RCOR1: variants seen among roughly 807,000 people sequenced by gnomAD.
RCOR1 encodes REST corepressor 1.
A neutral mutation model predicts 64.0 loss-of-function variants in RCOR1; 12 were observed. That is an observed-to-expected ratio of 0.19 (90% confidence interval 0.12 to 0.30). The LOEUF (loss-of-function observed/expected upper bound fraction) is 0.30. RCOR1 is among the 10% of genes least tolerant of loss of function. The pLI is 1.00. For missense variants in RCOR1, 502 were observed against 621.2 expected (o/e 0.81, Z 2.04); for synonymous variants, 279 against 227.2 (o/e 1.23, Z -2.05).
rs1893166195 is a variant in RCOR1 at position 102,593,081 on chromosome 14, C to T, written c.195C>T (p.Pro65=). 4.2e-6 allele frequency: 6 copies of T among 1,444,744 alleles called. No homozygotes were observed. The highest frequency in any genetic ancestry group is 4.6e-6 in the Non-Finnish European group (5 of 1,095,658). 89.5% of individuals were successfully genotyped at this position (1,444,744 alleles called of 1,614,324 possible). ...SAAAASAAAA[P]NNGQNKSLAA... ...CCGCCGCCTCAGCCGCCGCCGCCCC[C>T]AATAATGGCCAGAATAAAAGTTTGG... The change falls in exon 1 of 12, where the codon CCC becomes CCT. Residue 65 remains proline, a synonymous_variant. Coordinates refer to ENST00000262241, the MANE Select transcript of RCOR1 (RefSeq NM_015156.4).
intron 2 of RCOR1, among the ~76,000 whole-genome samples, chr14:102,651,438 A>G (rs1440747725): frequency 2.0e-5 from 3 of 152,050 alleles, no homozygotes; most frequent in African/African-American, 7.2e-5. Context: ...CTGTAATCCC[A>G]GCTGCTCAGG....
rs758594132 is a variant in RCOR1, at chr14:102,599,803, G to GT, written c.361+6482dup. Among the ~76,000 whole-genome samples the GT allele has an allele frequency of 4.8e-3, 448 of 93,806 alleles. 6 individuals carry two copies. The highest frequency in any genetic ancestry group is 0.012 in the African/African-American group (354 of 28,778). The allele number at this position is 93,806 out of a possible 152,430, so 61.5% of individuals were successfully genotyped here. ...GGTGAATGCTTTGTGGTTTTGTTTT[G>GT]TTTTGTTTTTTTTTTTTGAAACAAG... On this transcript the variant is annotated intron_variant, in intron 2 of 11. Coordinates refer to ENST00000262241, the MANE Select transcript of RCOR1 (RefSeq NM_015156.4).
intron 2 of RCOR1, among the ~76,000 whole-genome samples, chr14:102,615,516 T>G (rs1338391906): frequency 6.7e-6 from 1 of 150,158 alleles, no homozygotes; most frequent in Non-Finnish European, 1.5e-5. Context: ...TGGTGCGATC[T>G]CGGCTCACCG....
chr14:102,676,342 G>T (rs1895153003), intron 2 of RCOR1, among the ~76,000 whole-genome samples: 1 of 139,932 alleles, frequency 7.1e-6, no homozygotes, highest in Non-Finnish European at 1.5e-5. Context: ...GCGGGGGGCT[G>T]ACCCCCCCAC....
chr14:102,658,308 G>A (rs945678553), intron 2 of RCOR1, among the ~76,000 whole-genome samples: 7 of 151,832 alleles, frequency 4.6e-5, no homozygotes, highest in African/African-American at 1.5e-4. Context: ...GGCCAGGTGC[G>A]GTGGCTTTAA....
intron 2 of RCOR1, among the ~76,000 whole-genome samples, chr14:102,653,861 C>A (rs549720379): frequency 1.3e-5 from 2 of 151,958 alleles, no homozygotes; most frequent in African/African-American, 2.4e-5. Flanking sequence ...GCCTGCAGAA[C>A]CTTGAGCCAT....
chr14:102,704,080 A>G lies in RCOR1; in HGVS notation c.498+2750A>G, dbSNP rs75886333. Among the ~76,000 whole-genome samples, 374 of 152,314 alleles carry G rather than the reference A, an allele frequency of 2.5e-3. 5 individuals are homozygous for G. Among genetic ancestry groups the G allele is most frequent in the African/African-American group, 8.8e-3 (364 of 41,564 alleles). ...AGGGAGAAAGCTCCTCTTATCCAAGAGAGTTGAGAGGTAGTGACTAGGGCT... is the reference window on the plus strand; with the variant it reads ...AGGGAGAAAGCTCCTCTTATCCAAGGGAGTTGAGAGGTAGTGACTAGGGCT... On this transcript the variant is annotated intron_variant, in intron 4 of 11. Coordinates refer to ENST00000262241, the MANE Select transcript of RCOR1 (RefSeq NM_015156.4).
chr14:102,615,782 A>G (rs1178362527), intron 2 of RCOR1, among the ~76,000 whole-genome samples: 1 of 152,148 alleles, frequency 6.6e-6, no homozygotes, highest in Admixed American at 6.6e-5. Flanking sequence ...TTTCATTGCT[A>G]TTAAACAAGT....
intron 2 of RCOR1, among the ~76,000 whole-genome samples, chr14:102,599,818 T>A (rs1197922544): frequency 6.6e-6 from 1 of 151,764 alleles, no homozygotes; most frequent in Non-Finnish European, 1.5e-5. Flanking sequence ...GTTTTTTTTT[T>A]TTGAAACAAG....
In RCOR1 at chr14:102,728,837, G is replaced by C. The variant is rs1408458302; in HGVS notation, c.*2331G>C. On this transcript the variant is annotated 3_prime_UTR_variant, in exon 12 of 12. Coordinates refer to ENST00000262241, the MANE Select transcript of RCOR1 (RefSeq NM_015156.4). ...ATTTGACAGAGGGAAAATGGGAGCTGTCCTTGACTGCCTTTGTTGTGCTTT... is the reference window on the plus strand; with the variant it reads ...ATTTGACAGAGGGAAAATGGGAGCTCTCCTTGACTGCCTTTGTTGTGCTTT... 4.6e-5 allele frequency: 7 copies of C among 152,148 alleles called. No homozygotes were observed. Among genetic ancestry groups the C allele is most frequent in the Non-Finnish European group, 7.4e-5 (5 of 68,026 alleles). The allele number at this position is 152,148 out of a possible 1,614,324, so 9.4% of individuals were successfully genotyped here. A position where few individuals can be genotyped will look rare whatever the true frequency, so the allele number is the denominator to read the frequency against.
At chr14:102,711,297 CAG>C (rs1344847857) in intron 7 of RCOR1, among the ~76,000 whole-genome samples, 2 of 152,218 alleles carry the variant, frequency 1.3e-5, no homozygotes, top group African/African-American at 4.8e-5. Context: ...GCCATTAGCT[CAG>C]TAGGTTAACA....
intron 2 of RCOR1, among the ~76,000 whole-genome samples, chr14:102,636,614 C>A (rs1894243446): frequency 6.6e-6 from 1 of 151,946 alleles, no homozygotes; most frequent in Non-Finnish European, 1.5e-5. Context: ...GTAGATCATT[C>A]TTCTTTGAGT....
intron 2 of RCOR1, among the ~76,000 whole-genome samples, chr14:102,653,694 G>A (rs1042094358): frequency 3.9e-5 from 6 of 151,928 alleles, no homozygotes; most frequent in African/African-American, 7.3e-5. Flanking sequence ...GGGCGATCGG[G>A]TCGTCTAAAA....
intron 2 of RCOR1, among the ~76,000 whole-genome samples, chr14:102,677,275 C>T (rs77624985): frequency 8.2e-5 from 6 of 72,756 alleles, no homozygotes; most frequent in Non-Finnish European, 5.2e-5. Context: ...ACTTCCCAGT[C>T]GGGGCGGCCG....
intron 2 of RCOR1, among the ~76,000 whole-genome samples, chr14:102,623,395 T>TTTAC (rs1406498637): frequency 7.3e-6 from 1 of 136,276 alleles, no homozygotes; most frequent in Non-Finnish European, 1.5e-5. Context: ...TTATTATTTA[T>TTTAC]TTATTTATTT....
At chr14:102,704,752 A>G in intron 4 of RCOR1, among the ~76,000 whole-genome samples, 1 of 152,204 alleles carries the variant, frequency 6.6e-6, no homozygotes, top group Admixed American at 6.5e-5. Context: ...TTTTAGTGGC[A>G]GTTCAAATAG....
intron 2 of RCOR1, among the ~76,000 whole-genome samples, chr14:102,616,242 G>GTATA (rs1018891020): frequency 3.8e-5 from 4 of 104,344 alleles, no homozygotes; most frequent in Non-Finnish European, 4.4e-5. Context: ...GTGTGTGTGT[G>GTATA]TGTGTGTATG....
chr14:102,688,517 A>G (rs1895467097), intron 3 of RCOR1, among the ~76,000 whole-genome samples: 1 of 152,128 alleles, frequency 6.6e-6, no homozygotes, highest in Non-Finnish European at 1.5e-5. Flanking sequence ...GGTGGTAGTA[A>G]GGTGTTGATG....
At chr14:102,602,709 T>C (rs565005710) in intron 2 of RCOR1, among the ~76,000 whole-genome samples, 2 of 152,200 alleles carry the variant, frequency 1.3e-5, no homozygotes, top group South Asian at 4.1e-4. Flanking sequence ...GCCTGGCCTC[T>C]TCTTTCTTTT....
Sources: gnomAD v4.1 joint callset for allele counts (sites outside exome capture counted in the v4.1 genomes callset) on GRCh38, gnomAD v4.1.1 for gene constraint, MANE v1.5 for transcripts, NCBI Gene and HGNC (gene_info 2026-07-23, HGNC 2026-07-21) for gene names.